Variants in HPSE observed in about 807,000 individuals in gnomAD.
HPSE encodes heparanase, also known as endo-glucoronidase.
HPSE carries 48 observed loss-of-function variants against 65.1 expected under a neutral mutation model. The observed-to-expected ratio is 0.74, with a 90% CI of 0.58 to 0.94. HPSE has a LOEUF of 0.94. Ranked by LOEUF, HPSE falls within the 40% of genes least tolerant of loss-of-function variation. The probability of loss-of-function intolerance (pLI) is 0.00; values close to 1 mark genes in which losing one functional copy is unlikely to be tolerated. For synonymous variants in HPSE, 243 were observed against 260.0 expected, an observed-to-expected ratio of 0.93 and a Z score of 0.63; for missense variants, 644 against 637.5, an observed-to-expected ratio of 1.01 and a Z score of -0.11.
At chr4:83,307,558 T>C (rs10428420) in intron 8 of HPSE, among the ~76,000 whole-genome samples, 139 of 152,298 alleles carry the variant, frequency 9.1e-4, no homozygotes, top group African/African-American at 3.2e-3. Flanking sequence ...ATGAGGTCCC[T>C]GCACAAACAA....
At chr4:83,330,066 T>A (rs1181953755) in intron 1 of HPSE, among the ~76,000 whole-genome samples, 1 of 152,166 alleles carries the variant, frequency 6.6e-6, no homozygotes, top group Non-Finnish European at 1.5e-5. Flanking sequence ...ATTATCGTCA[T>A]TTTACAAACA....
chr4:83,300,579 A>C (rs146499818), intron 11 of HPSE, among the ~76,000 whole-genome samples: 4,651 of 26,286 alleles, frequency 0.18, 1,457 homozygotes, highest in African/African-American at 0.26. Flanking sequence ...CTTTGGGAGG[A>C]CGAGGCGGGC....
chr4:83,320,456 C>G (rs2126193926), intron 2 of HPSE, among the ~76,000 whole-genome samples: 1 of 152,124 alleles, frequency 6.6e-6, no homozygotes, highest in Non-Finnish European at 1.5e-5. Context: ...GTCCCAGCTA[C>G]TCGGGAGACC....
chr4:83,322,489 G>C (rs1461658094), intron 1 of HPSE, 125 bp from the exon 2 acceptor site: 3 of 759,868 alleles, frequency 3.9e-6, no homozygotes, highest in Non-Finnish European at 6.0e-6. Flanking sequence ...CTTAGAGGAG[G>C]AAATCACATT....
chr4:83,330,128 ACTTGAACTAT>A (rs1270939451), intron 1 of HPSE, among the ~76,000 whole-genome samples: 5 of 152,258 alleles, frequency 3.3e-5, no homozygotes, highest in Non-Finnish European at 7.3e-5. Flanking sequence ...GTCAAAAGGG[ACTTGAACTAT>A]AGCAGTATGG....
intron 1 of HPSE, among the ~76,000 whole-genome samples, chr4:83,329,561 A>T (rs1393345561): frequency 6.6e-6 from 1 of 152,168 alleles, no homozygotes; most frequent in African/African-American, 2.4e-5. Context: ...TGGCTCTCAG[A>T]AAAAAAGGTG....
chr4:83,308,997 T>G lies in HPSE; in HGVS notation c.985-46A>C, dbSNP rs1553919636. 8.6e-6 allele frequency: 13 copies of G among 1,503,664 alleles called. No homozygotes were observed. The South Asian group carries it at 1.5e-4, about 17-fold the overall frequency. The allele number at this position is 1,503,664 out of a possible 1,614,324, so 93.1% of individuals were successfully genotyped here. On this transcript the variant is annotated intron_variant, in intron 7 of 11. Coordinates refer to ENST00000311412, the MANE Select transcript of HPSE (RefSeq NM_001098540.3). Reference sequence around the variant, plus strand: ...CATGGTAATTGCAAAAAAGCTGACCTGTGGTTTCAACTGTGGTGTTGAAGA... The same window carrying G: ...CATGGTAATTGCAAAAAAGCTGACCGGTGGTTTCAACTGTGGTGTTGAAGA...
rs1470009911 is a variant in HPSE at position 83,306,401 on chromosome 4, A to G, written c.1092-84T>C. On this transcript the variant is annotated intron_variant, in intron 8 of 11. Coordinates refer to ENST00000311412, the MANE Select transcript of HPSE (RefSeq NM_001098540.3). Reference sequence around the variant, plus strand: ...ATTGCACACCATCTTGATTTTATTTATGTATTTATTTATTTACTTATTTAT... The same window carrying G: ...ATTGCACACCATCTTGATTTTATTTGTGTATTTATTTATTTACTTATTTAT... 5.8e-6 allele frequency: 4 copies of G among 690,626 alleles called. 1 individual carries two copies. In the South Asian group the frequency reaches 7.0e-5, roughly 12 times the overall value. The allele number at this position is 690,626 out of a possible 1,614,324, so 42.8% of individuals were successfully genotyped here. A position where few individuals can be genotyped will look rare whatever the true frequency, so the allele number is the denominator to read the frequency against.
chr4:83,334,814 C>T lies in HPSE; in HGVS notation c.-32G>A. 6.7e-7 allele frequency: 1 copy of T among 1,484,836 alleles called. No homozygotes were observed. Among genetic ancestry groups the T allele is most frequent in the South Asian group, 1.3e-5 (1 of 74,560 alleles). 92.0% of individuals were successfully genotyped at this position (1,484,836 alleles called of 1,614,324 possible). ...CTCACCTGGCTGCTCCCCCCGCCAG[C>T]TGCCGCGCAGCGGAGAGTCGAGAGC... is the stretch of plus-strand genomic sequence containing the variant. On this transcript the variant is annotated 5_prime_UTR_variant, in exon 1 of 12. Transcript: ENST00000311412.
intron 8 of HPSE, 38 bp downstream of exon 8, chr4:83,308,807 T>C (rs369305881): frequency 2.8e-6 from 4 of 1,444,606 alleles, no homozygotes; most frequent in Non-Finnish European, 3.9e-6. Context: ...GGAGAAGAGC[T>C]GCACTCTGAC....
intron 9 of HPSE, among the ~76,000 whole-genome samples, chr4:83,304,178 G>A (rs1484121665): frequency 2.6e-5 from 4 of 152,118 alleles, no homozygotes; most frequent in Admixed American, 2.0e-4. Context: ...TTTAGTCTCT[G>A]GGGTGGCAAG....
chr4:83,329,224 A>G (rs1272725069), intron 1 of HPSE, among the ~76,000 whole-genome samples: 4 of 152,352 alleles, frequency 2.6e-5, no homozygotes, highest in Non-Finnish European at 5.9e-5. Flanking sequence ...CCAGCTATAC[A>G]GGGTGGCCAC....
rs6855404 is a variant in HPSE, at chr4:83,295,217, G to T, written c.*127C>A. On this transcript the variant is annotated 3_prime_UTR_variant, in exon 12 of 12. Coordinates refer to ENST00000311412, the MANE Select transcript of HPSE (RefSeq NM_001098540.3). ...TACTGTGCTAAATCTAGCACTGACA[G>T]TGTCCCAGTGTCTCTCAAGCACCCA... is the stretch of plus-strand genomic sequence containing the variant. 3.1e-6 allele frequency: 2 copies of T among 654,936 alleles called. No homozygotes were observed. Among genetic ancestry groups the T allele is most frequent in the Non-Finnish European group, 5.2e-6 (2 of 384,508 alleles). The allele number at this position is 654,936 out of a possible 1,614,324, so 40.6% of individuals were successfully genotyped here. A position where few individuals can be genotyped will look rare whatever the true frequency, so the allele number is the denominator to read the frequency against.
At chr4:83,311,127 A>G (rs922765065) in intron 4 of HPSE, among the ~76,000 whole-genome samples, 1 of 150,976 alleles carries the variant, frequency 6.6e-6, no homozygotes, top group African/African-American at 2.4e-5. Flanking sequence ...TGGGTAACAT[A>G]GTAAAGCCCT....
intron 1 of HPSE, 26 bp downstream of exon 1, chr4:83,334,530 G>A: frequency 1.3e-6 from 2 of 1,554,672 alleles, no homozygotes; most frequent in Middle Eastern, 1.9e-4. Context: ...CAGGAAAGGG[G>A]ACAGGACCAG....
At chr4:83,331,885 A>G (rs1279320066) in intron 1 of HPSE, among the ~76,000 whole-genome samples, 3 of 151,990 alleles carry the variant, frequency 2.0e-5, no homozygotes. Flanking sequence ...TTCCCTTTTT[A>G]TGGGCACTAT....
At chr4:83,306,837 G>T (rs1210862129) in intron 8 of HPSE, among the ~76,000 whole-genome samples, 1 of 152,180 alleles carries the variant, frequency 6.6e-6, no homozygotes, top group East Asian at 1.9e-4. Flanking sequence ...GGATAATGCA[G>T]CCTCTGGCTC....
chr4:83,295,861 G>C (rs1199551516), intron 11 of HPSE, among the ~76,000 whole-genome samples: 1 of 152,068 alleles, frequency 6.6e-6, no homozygotes, highest in Non-Finnish European at 1.5e-5. Flanking sequence ...TTTATTTAAT[G>C]GCCAATAATT....
At position 83,309,007 on chromosome 4, in the gene HPSE, A is replaced by G. The variant is rs540899606; in HGVS notation, c.985-56T>C. The G allele has an allele frequency of 1.8e-5, 25 of 1,397,030 alleles. No homozygotes were observed. In the South Asian group the frequency reaches 2.7e-4, roughly 15 times the overall value. The allele number at this position is 1,397,030 out of a possible 1,614,324, so 86.5% of individuals were successfully genotyped here. On this transcript the variant is annotated intron_variant, in intron 7 of 11. Coordinates refer to ENST00000311412, the MANE Select transcript of HPSE (RefSeq NM_001098540.3). Reference sequence around the variant, plus strand: ...GCAAAAAAGCTGACCTGTGGTTTCAACTGTGGTGTTGAAGATTAACAGCAT... The same window carrying G: ...GCAAAAAAGCTGACCTGTGGTTTCAGCTGTGGTGTTGAAGATTAACAGCAT...
Sources: allele counts gnomAD v4.1 joint callset (sites outside exome capture counted in the v4.1 genomes callset), GRCh38; gene constraint gnomAD v4.1.1; transcripts MANE v1.5; gene names NCBI Gene and HGNC (gene_info 2026-07-23, HGNC 2026-07-21).